SNX29: variants seen among roughly 807,000 people sequenced by gnomAD.
The protein encoded by SNX29 is sorting nexin-29.
In SNX29, 78 loss-of-function variants were observed where a neutral mutation model predicts 102.1. The observed-to-expected ratio is 0.76, with a 90% CI of 0.64 to 0.92. The LOEUF (loss-of-function observed/expected upper bound fraction) is 0.92. Among genes scored for constraint, SNX29 ranks in the 40% least tolerant of loss-of-function variants. The pLI is 0.00. For synonymous variants in SNX29, 580 were observed against 414.5 expected (o/e 1.40, Z -4.85); for missense variants, 1,280 against 1,061.7 (o/e 1.21, Z -2.86).
intron 13 of SNX29, among the ~76,000 whole-genome samples, chr16:12,157,473 G>T (rs2055600311): frequency 6.6e-6 from 1 of 152,188 alleles, no homozygotes; most frequent in African/African-American, 2.4e-5. Flanking sequence ...AGGTTTCACA[G>T]CAGCCGTTTC....
chr16:12,548,279 G>A (rs566721166), intron 20 of SNX29, among the ~76,000 whole-genome samples: 1 of 152,162 alleles, frequency 6.6e-6, no homozygotes, highest in African/African-American at 2.4e-5. Context: ...GACCTGACTG[G>A]GAAGGCTGGA....
intron 20 of SNX29, among the ~76,000 whole-genome samples, chr16:12,559,058 G>A (rs2078555269): frequency 6.6e-6 from 1 of 152,166 alleles, no homozygotes; most frequent in South Asian, 2.1e-4. Flanking sequence ...TAACTGCAAT[G>A]TAGAGGTCTA....
At chr16:12,551,122 A>T (rs749047215) in intron 20 of SNX29, among the ~76,000 whole-genome samples, 2 of 152,100 alleles carry the variant, frequency 1.3e-5, no homozygotes, top group African/African-American at 2.4e-5. Context: ...GAAATAATGG[A>T]ACAGTGGTCC....
At chr16:12,483,114 G>GTTTTTTTTTTTTTTTTTTTTTTTTTTTT (rs574090459) in intron 19 of SNX29, among the ~76,000 whole-genome samples, 9 of 66,212 alleles carry the variant, frequency 1.4e-4, no homozygotes, top group Non-Finnish European at 1.7e-4. Flanking sequence ...AAGTTATTAA[G>GTTTTTTTTTTTTTTTTTTTTTTTTTTTT]TTTTTTTTTT....
chr16:12,491,335 G>A (rs1322202658), intron 19 of SNX29, among the ~76,000 whole-genome samples: 1 of 152,170 alleles, frequency 6.6e-6, no homozygotes, highest in African/African-American at 2.4e-5. Context: ...AACTTGCCTA[G>A]CTCTTGCCAA....
intron 14 of SNX29, among the ~76,000 whole-genome samples, chr16:12,204,811 C>T (rs1188989526): frequency 6.6e-6 from 1 of 152,170 alleles, no homozygotes; most frequent in Non-Finnish European, 1.5e-5. Context: ...ACATGTGCTT[C>T]GTGCTCTCAC....
chr16:12,466,768 A>G (rs1442217084), intron 18 of SNX29, among the ~76,000 whole-genome samples: 1 of 151,928 alleles, frequency 6.6e-6, no homozygotes, highest in East Asian at 1.9e-4. Context: ...AAGAGGCCAT[A>G]GCAGTTGGCT....
intron 3 of SNX29, among the ~76,000 whole-genome samples, chr16:12,006,994 C>T (rs185058017): frequency 2.9e-4 from 44 of 152,240 alleles, no homozygotes; most frequent in Admixed American, 1.7e-3. Flanking sequence ...CGTTTTGGAA[C>T]GGCTAGAGTT....
At chr16:12,109,044 C>T (rs1189898167) in intron 11 of SNX29, among the ~76,000 whole-genome samples, 1 of 139,788 alleles carries the variant, frequency 7.2e-6, no homozygotes, top group African/African-American at 2.7e-5. Flanking sequence ...AGGATAATCA[C>T]TTGAACCTGG....
chr16:12,129,667 T>C lies in SNX29; in HGVS notation c.1504T>C (p.Ser502Pro). The C allele has an allele frequency of 6.2e-7, 1 of 1,611,202 alleles. No individual in the cohort carries two copies. The highest frequency in any genetic ancestry group is 8.5e-7 in the Non-Finnish European group (1 of 1,179,568). ...RNLLDGEMEH[S>P]AALRQEVDTL... is the part of the protein sequence containing the mutation. The stretch of plus-strand genomic sequence containing the variant: ...CCTGCTCGACGGTGAGATGGAGCAC[T>C]CAGCCGCGCTCCGGCAAGAGGTGGA... The change falls in exon 13 of 21, where the codon TCA becomes CCA. Residue 502 changes from serine (S) to proline (P), a missense_variant. Coordinates refer to ENST00000566228, the MANE Select transcript of SNX29 (RefSeq NM_032167.5).
intron 20 of SNX29, among the ~76,000 whole-genome samples, chr16:12,529,853 C>T (rs1282971829): frequency 1.3e-5 from 2 of 152,194 alleles, no homozygotes; most frequent in Non-Finnish European, 2.9e-5. Flanking sequence ...CAAGTCACTG[C>T]TAACAGGAAG....
intron 19 of SNX29, among the ~76,000 whole-genome samples, chr16:12,490,383 G>C (rs2088486494): frequency 6.6e-6 from 1 of 152,100 alleles, no homozygotes; most frequent in Admixed American, 6.5e-5. Flanking sequence ...GCAATTGTTG[G>C]TTCATTTTCA....
intron 11 of SNX29, among the ~76,000 whole-genome samples, chr16:12,086,135 C>G (rs1353803412): frequency 6.6e-6 from 1 of 151,754 alleles, no homozygotes; most frequent in Non-Finnish European, 1.5e-5. Context: ...TCCCAAGTAG[C>G]TGGGACTACA....
chr16:12,538,682 C>T (rs1339434471), intron 20 of SNX29, among the ~76,000 whole-genome samples: 5 of 152,136 alleles, frequency 3.3e-5, no homozygotes, highest in African/African-American at 4.8e-5. Context: ...TCATCCTCCT[C>T]CCAGGACCAG....
At chr16:12,559,083 T>A (rs756475914) in intron 20 of SNX29, among the ~76,000 whole-genome samples, 65 of 152,152 alleles carry the variant, frequency 4.3e-4, no homozygotes, top group Admixed American at 1.6e-3. Flanking sequence ...TGTGTCCCCG[T>A]GCTCCTTAGT....
chr16:12,240,435 T>A (rs1485055166), intron 14 of SNX29, among the ~76,000 whole-genome samples: 1 of 152,324 alleles, frequency 6.6e-6, no homozygotes, highest in Non-Finnish European at 1.5e-5. Context: ...TTTCCAGGAC[T>A]ATTGACCATT....
intron 1 of SNX29, among the ~76,000 whole-genome samples, chr16:11,990,652 A>G (rs2055814055): frequency 6.6e-6 from 1 of 152,154 alleles, no homozygotes; most frequent in South Asian, 2.1e-4. Context: ...GATGCCCGCC[A>G]GTGTAACTGA....
At chr16:12,400,868 G>A (rs1002580026) in intron 17 of SNX29, among the ~76,000 whole-genome samples, 5 of 152,112 alleles carry the variant, frequency 3.3e-5, no homozygotes, top group Non-Finnish European at 7.4e-5. Flanking sequence ...TGTCACCCAG[G>A]TTGGAGTGCA....
chr16:11,985,264 G>T (rs2055571263), intron 1 of SNX29, among the ~76,000 whole-genome samples: 1 of 152,106 alleles, frequency 6.6e-6, no homozygotes, highest in Admixed American at 6.5e-5. Flanking sequence ...TGATAGTTTG[G>T]TGCATCCTCT....
Sources: allele counts gnomAD v4.1 joint callset (sites outside exome capture counted in the v4.1 genomes callset), GRCh38; gene constraint gnomAD v4.1.1; transcripts MANE v1.5; gene names NCBI Gene and HGNC (gene_info 2026-07-23, HGNC 2026-07-21).